Variants in ANKH observed in about 807,000 individuals in gnomAD.
ANKH encodes mineralization regulator ANKH.
A neutral mutation model predicts 49.0 loss-of-function variants in ANKH; 15 were observed. The ratio of observed to expected loss-of-function variants is 0.31; its 90% CI spans 0.20 to 0.47. The LOEUF (loss-of-function observed/expected upper bound fraction) is 0.47. Among genes scored for constraint, ANKH ranks in the 20% least tolerant of loss-of-function variants. The pLI is 1.00. For missense variants in ANKH, 429 were observed against 652.0 expected (o/e 0.66, Z 3.72); for synonymous variants, 273 against 260.0 (o/e 1.05, Z -0.48).
intron 11 of ANKH, 30 bp downstream of exon 11, chr5:14,712,844 G>A (rs751943154): frequency 3.1e-5 from 49 of 1,575,170 alleles, no homozygotes; most frequent in East Asian, 9.2e-5. Context: ...GGATGCACCC[G>A]GGAGGAGGCT....
chr5:14,750,478 A>C (rs1738676689), intron 5 of ANKH, among the ~76,000 whole-genome samples: 1 of 152,100 alleles, frequency 6.6e-6, no homozygotes, highest in Admixed American at 6.5e-5. Flanking sequence ...CATGCAGGTG[A>C]TGTGCTGTCT....
At chr5:14,862,424 A>C (rs2250746) in intron 1 of ANKH, among the ~76,000 whole-genome samples, 28,752 of 152,088 alleles carry the variant, frequency 0.19, 3,030 homozygotes, top group East Asian at 0.37. Flanking sequence ...ACTGAATGAT[A>C]CCAAAGCCAG....
At chr5:14,781,828 T>G (rs529126113) in intron 1 of ANKH, among the ~76,000 whole-genome samples, 1 of 152,228 alleles carries the variant, frequency 6.6e-6, no homozygotes, top group Admixed American at 6.5e-5. Flanking sequence ...ATTTCCTAAT[T>G]TTTTATACTT....
intron 8 of ANKH, among the ~76,000 whole-genome samples, chr5:14,717,440 G>T (rs933297125): frequency 1.4e-4 from 21 of 152,224 alleles, no homozygotes; most frequent in African/African-American, 4.8e-4. Flanking sequence ...CACAGGAAAA[G>T]GGAATCTTGA....
In ANKH at chr5:14,749,326, T is replaced by C. The variant is rs779971511; in HGVS notation, c.688-20A>G. 6 of 1,614,096 alleles carry C rather than the reference T, an allele frequency of 3.7e-6. No homozygotes were observed. Among genetic ancestry groups the C allele is most frequent in the South Asian group, 3.3e-5 (3 of 91,082 alleles). ...ATCTCCCTGTGTTAAGAAACGAAGA[T>C]AAAAGTTACCTGAACTCTAGAAGCA... is the stretch of plus-strand genomic sequence containing the variant. On this transcript the variant is annotated intron_variant, in intron 5 of 11. Transcript: ENST00000284268.
chr5:14,757,330 A>T lies in ANKH; in HGVS notation c.432+1150T>A, dbSNP rs555136041. On this transcript the variant is annotated intron_variant, in intron 3 of 11. Coordinates refer to ENST00000284268, the MANE Select transcript of ANKH (RefSeq NM_054027.6). The stretch of plus-strand genomic sequence containing the variant: ...GGTAAAAAAAACTATACAGACTAAC[A>T]TATTTTTAAGTCTCCTTCCAAGAAT... Among the ~76,000 whole-genome samples the T allele has an allele frequency of 1.5e-4, 23 of 151,562 alleles. No homozygotes were observed. In the South Asian group the frequency reaches 4.8e-3, roughly 32 times the overall value.
At chr5:14,721,541 G>A (rs1383245149) in intron 8 of ANKH, among the ~76,000 whole-genome samples, 8 of 152,140 alleles carry the variant, frequency 5.3e-5, no homozygotes, top group Non-Finnish European at 1.2e-4. Context: ...GGAAAATGGC[G>A]CTTCACTTTT....
intron 1 of ANKH, among the ~76,000 whole-genome samples, chr5:14,796,381 C>A (rs1013308247): frequency 1.3e-5 from 2 of 150,232 alleles, no homozygotes; most frequent in Admixed American, 6.6e-5. Flanking sequence ...TCACTCTTCT[C>A]AACTTGACAA....
At chr5:14,826,191 G>A (rs1741338677) in intron 1 of ANKH, among the ~76,000 whole-genome samples, 1 of 152,164 alleles carries the variant, frequency 6.6e-6, no homozygotes, top group Non-Finnish European at 1.5e-5. Context: ...GTTTTTCCAT[G>A]CACATGTGTA....
intron 2 of ANKH, among the ~76,000 whole-genome samples, chr5:14,764,320 G>T (rs183597858): frequency 6.6e-6 from 1 of 152,094 alleles, no homozygotes; most frequent in African/African-American, 2.4e-5. Context: ...TCAGGGAGCC[G>T]TCATGTGTGC....
At chr5:14,854,845 G>C (rs1237799369) in intron 1 of ANKH, among the ~76,000 whole-genome samples, 1 of 152,092 alleles carries the variant, frequency 6.6e-6, no homozygotes, top group Non-Finnish European at 1.5e-5. Context: ...CTGTCTCTCT[G>C]GTAGTTGCCA....
intron 1 of ANKH, among the ~76,000 whole-genome samples, chr5:14,783,614 CAG>C (rs1358179266): frequency 6.6e-6 from 1 of 152,192 alleles, no homozygotes; most frequent in Non-Finnish European, 1.5e-5. Context: ...GCAGAGTCAA[CAG>C]TGTCACTGGT....
intron 1 of ANKH, among the ~76,000 whole-genome samples, chr5:14,807,875 T>C (rs1367929423): frequency 1.3e-5 from 2 of 152,202 alleles, no homozygotes; most frequent in African/African-American, 2.4e-5. Context: ...AATCCATTCA[T>C]TTAAGATCAA....
chr5:14,849,877 G>C (rs1490576773), intron 1 of ANKH, among the ~76,000 whole-genome samples: 1 of 152,032 alleles, frequency 6.6e-6, no homozygotes, highest in Non-Finnish European at 1.5e-5. Flanking sequence ...TTTCAGGGCT[G>C]GGGGTGTGAA....
At chr5:14,712,843 C>CG in intron 11 of ANKH, 31 bp downstream of exon 11, 1 of 1,572,866 alleles carries the variant, frequency 6.4e-7, no homozygotes, top group South Asian at 1.2e-5. Flanking sequence ...AGGATGCACC[C>CG]GGGAGGAGGC....
At chr5:14,864,431 C>A (rs1021505909) in intron 1 of ANKH, among the ~76,000 whole-genome samples, 4 of 152,116 alleles carry the variant, frequency 2.6e-5, no homozygotes, top group Admixed American at 2.0e-4. Flanking sequence ...ACCCGCTTAC[C>A]TAAGTCATCC....
intron 1 of ANKH, among the ~76,000 whole-genome samples, chr5:14,808,457 T>C (rs1259394882): frequency 6.6e-6 from 1 of 152,202 alleles, no homozygotes; most frequent in African/African-American, 2.4e-5. Context: ...AAGTTATCTA[T>C]TCAAACAACA....
chr5:14,865,185 G>A (rs1028193624), intron 1 of ANKH, among the ~76,000 whole-genome samples: 2 of 152,078 alleles, frequency 1.3e-5, no homozygotes, highest in South Asian at 2.1e-4. Context: ...ACTTGAACCC[G>A]GGAGGCGGAG....
intron 1 of ANKH, among the ~76,000 whole-genome samples, chr5:14,800,892 GTTATT>G (rs931066938): frequency 6.6e-6 from 1 of 151,658 alleles, no homozygotes; most frequent in African/African-American, 2.4e-5. Flanking sequence ...TACCTGGCTA[GTTATT>G]TTATTTTTTG....
Sources: allele counts gnomAD v4.1 joint callset (sites outside exome capture counted in the v4.1 genomes callset), GRCh38; gene constraint gnomAD v4.1.1; transcripts MANE v1.5; gene names NCBI Gene and HGNC (gene_info 2026-07-23, HGNC 2026-07-21).